GCC2: variants seen among roughly 807,000 people sequenced by gnomAD.
The protein encoded by GCC2 is GRIP and coiled-coil domain-containing protein 2.
Under a neutral mutation model 210.6 loss-of-function variants are expected in GCC2, and 120 were observed. The observed-to-expected ratio is 0.57, with a 90% CI of 0.49 to 0.66. GCC2 has a LOEUF of 0.66. GCC2 is among the 30% of genes least tolerant of loss of function. The pLI is 0.00. For synonymous variants in GCC2, 703 were observed against 652.7 expected, an observed-to-expected ratio of 1.08 and a Z score of -1.17; for missense variants, 1,868 against 1,871.9, an observed-to-expected ratio of 1.00 and a Z score of 0.04.
Position 108,471,368 on chromosome 2 carries a change from A to G in GCC2, c.2039A>G (p.Lys680Arg). The G allele has an allele frequency of 6.2e-7, 1 of 1,609,804 alleles. No homozygotes were observed. The highest frequency in any genetic ancestry group is 2.2e-5 in the East Asian group (1 of 44,788). ...MVQMKVLSED[K>R]EVLSAEVKSL... Reference sequence around the variant, plus strand: ...CAAATGAAAGTTCTCTCTGAAGACAAAGAAGTATTGTCAGCTGAAGTGAAG... The same window carrying G: ...CAAATGAAAGTTCTCTCTGAAGACAGAGAAGTATTGTCAGCTGAAGTGAAG... Residue 680 changes from lysine (K) to arginine (R), a missense_variant, in exon 6 of 23, where the codon AAA becomes AGA. By Grantham distance (26) the Lys-to-Arg change is conservative (BLOSUM62 2). Coordinates refer to ENST00000309863, the MANE Select transcript of GCC2 (RefSeq NM_181453.4).
intron 21 of GCC2, among the ~76,000 whole-genome samples, chr2:108,498,590 C>T (rs1353399839): frequency 5.3e-5 from 8 of 152,142 alleles, no homozygotes; most frequent in African/African-American, 9.7e-5. Context: ...GGACAAAGTT[C>T]GCTAACTTTC....
intron 4 of GCC2, among the ~76,000 whole-genome samples, chr2:108,464,381 C>A (rs1035047755): frequency 6.6e-6 from 1 of 152,210 alleles, no homozygotes; most frequent in African/African-American, 2.4e-5. Context: ...AAGACATAAT[C>A]CAGTGGAGTG....
At chr2:108,477,380 A>G (rs1992172) in intron 9 of GCC2, among the ~76,000 whole-genome samples, 34,451 of 152,058 alleles carry the variant, frequency 0.23, 4,355 homozygotes, top group African/African-American at 0.33. Flanking sequence ...GTATATTAGC[A>G]TCAACACTTT....
chr2:108,479,198 C>A (rs914319566), intron 9 of GCC2, among the ~76,000 whole-genome samples: 1 of 152,002 alleles, frequency 6.6e-6, no homozygotes, highest in African/African-American at 2.4e-5. Context: ...TCTAGATTCC[C>A]AAGTCTTGTC....
intron 4 of GCC2, among the ~76,000 whole-genome samples, chr2:108,459,745 CTTTTTTTTT>C (rs34052393): frequency 1.6e-3 from 43 of 26,784 alleles, no homozygotes; most frequent in South Asian, 0.012. Flanking sequence ...CCTTCTTTGT[CTTTTTTTTT>C]TTTTTTTTTT....
intron 22 of GCC2, among the ~76,000 whole-genome samples, chr2:108,503,886 A>G (rs891829561): frequency 3.9e-5 from 6 of 152,270 alleles, no homozygotes; most frequent in African/African-American, 1.2e-4. Context: ...AGGCAGGAGG[A>G]TTGCTTGAGA....
intron 7 of GCC2, 172 bp downstream of exon 7, chr2:108,473,071 T>C (rs1573374539): frequency 2.1e-6 from 1 of 484,848 alleles, no homozygotes; most frequent in East Asian, 3.6e-5. Flanking sequence ...GCCTTCTCTT[T>C]CAAAAGTGTT....
intron 20 of GCC2, chr2:108,496,039 T>G (rs1682634037): frequency 6.6e-6 from 1 of 152,434 alleles, no homozygotes; most frequent in African/African-American, 2.4e-5. Context: ...ACACCTAGTA[T>G]TAACCATCAC....
intron 9 of GCC2, among the ~76,000 whole-genome samples, chr2:108,479,379 A>G (rs1016309632): frequency 6.6e-6 from 1 of 152,078 alleles, no homozygotes; most frequent in South Asian, 2.1e-4. Context: ...GGTGGCTCAC[A>G]CCTGTTATCC....
At chr2:108,501,582 T>C (rs185430817) in intron 22 of GCC2, among the ~76,000 whole-genome samples, 49 of 152,126 alleles carry the variant, frequency 3.2e-4, no homozygotes, top group African/African-American at 9.4e-4. Flanking sequence ...TGGTGTTCTT[T>C]AACATGTTCC....
intron 4 of GCC2, among the ~76,000 whole-genome samples, chr2:108,465,175 T>C (rs1680812647): frequency 6.6e-6 from 1 of 152,132 alleles, no homozygotes. Flanking sequence ...TATATCACCT[T>C]AATGTGTTTT....
At chr2:108,506,787 T>C (rs1683210893) in intron 22 of GCC2, among the ~76,000 whole-genome samples, 1 of 152,202 alleles carries the variant, frequency 6.6e-6, no homozygotes, top group Non-Finnish European at 1.5e-5. Context: ...TTTGGTATTG[T>C]TTAATGGAGA....
At chr2:108,480,847 C>T (rs1311620378) in intron 9 of GCC2, among the ~76,000 whole-genome samples, 1 of 142,632 alleles carries the variant, frequency 7.0e-6, no homozygotes, top group African/African-American at 2.5e-5. Context: ...ACAACAAACC[C>T]CTGTGACACA....
intron 9 of GCC2, among the ~76,000 whole-genome samples, chr2:108,477,446 G>C (rs1378802729): frequency 6.6e-6 from 1 of 152,134 alleles, no homozygotes; most frequent in Non-Finnish European, 1.5e-5. Flanking sequence ...CACAGACTCC[G>C]ATTTCTTAAG....
At position 108,449,573 on chromosome 2, in the gene GCC2, G is replaced by A. The variant is rs1679793683; in HGVS notation, c.7-60G>A. On this transcript the variant is annotated intron_variant, in intron 1 of 22. Coordinates refer to ENST00000309863, the MANE Select transcript of GCC2 (RefSeq NM_181453.4). Reference sequence around the variant, plus strand: ...GTTTTTCCCTGTAAGGGTTCTACGCGTTCCGTGTGGAATTAGGAAAAGAGT... The same window carrying A: ...GTTTTTCCCTGTAAGGGTTCTACGCATTCCGTGTGGAATTAGGAAAAGAGT... 3.3e-6 allele frequency: 5 copies of A among 1,497,520 alleles called. No individual in the cohort carries two copies. In the Admixed American group the frequency reaches 8.4e-5, roughly 25 times the overall value. 92.8% of individuals were successfully genotyped at this position (1,497,520 alleles called of 1,614,324 possible).
chr2:108,489,155 C>T (rs11894049), intron 17 of GCC2, among the ~76,000 whole-genome samples: 7 of 152,174 alleles, frequency 4.6e-5, no homozygotes, highest in Non-Finnish European at 7.3e-5. Flanking sequence ...AAGACCTGCT[C>T]TTCTTCAGGG....
intron 13 of GCC2, among the ~76,000 whole-genome samples, chr2:108,485,322 T>TAA (rs79842498): frequency 7.3e-6 from 1 of 136,786 alleles, no homozygotes; most frequent in African/African-American, 2.7e-5. Context: ...AAAGTATAAT[T>TAA]AAAAAAAAAA....
At chr2:108,491,453 G>A (rs1392889381) in intron 18 of GCC2, among the ~76,000 whole-genome samples, 1 of 152,100 alleles carries the variant, frequency 6.6e-6, no homozygotes, top group Non-Finnish European at 1.5e-5. Flanking sequence ...GTATTTTCTA[G>A]ATTCATTAAT....
rs1407187260 is a variant in GCC2 at position 108,471,197 on chromosome 2, T to C, written c.1868T>C (p.Leu623Ser). 1 of 1,604,946 alleles carries C rather than the reference T, an allele frequency of 6.2e-7. No homozygotes were observed. The highest frequency in any genetic ancestry group is 8.5e-7 in the Non-Finnish European group (1 of 1,176,836). The change falls in exon 6 of 23, where the codon TTG (leucine) becomes TCG (serine). Residue 623 changes from leucine to serine, a missense_variant. This residue lies in a region of GCC2 where 1,847 missense variants were observed against 1,765.2 expected (regional missense o/e 1.05). Transcript: ENST00000309863. ...AAGAAATGTGAAAGGGAAGAAAGAT[T>C]GATTCTTGAACTTGGGAAGAAAGTA... ...FHKKCEREERLILELGKKVEQ... is the reference protein window; with the variant it reads ...FHKKCEREERSILELGKKVEQ...
Sources: gnomAD v4.1 joint callset for allele counts (sites outside exome capture counted in the v4.1 genomes callset) on GRCh38, gnomAD v4.1.1 for gene constraint, gnomAD v4.1.1 regional missense constraint, MANE v1.5 for transcripts, NCBI Gene and HGNC (gene_info 2026-07-23, HGNC 2026-07-21) for gene names.